The following DMD variants were observed in gnomAD, a reference collection of about 807,000 sequenced individuals.
DMD encodes the protein mutant dystrophin.
In DMD, 63 loss-of-function variants were observed where a neutral mutation model predicts 330.1. The observed-to-expected ratio is 0.19, with a 90% CI of 0.16 to 0.24. The LOEUF is 0.24. Ranked by LOEUF, DMD falls within the 10% of genes least tolerant of loss-of-function variation. The pLI, the probability that DMD is intolerant of heterozygous loss-of-function variation, is 1.00. For missense variants in DMD, 3,344 were observed against 2,684.1 expected, an observed-to-expected ratio of 1.25 and a Z score of -5.43; for synonymous variants, 1,223 against 959.8, an observed-to-expected ratio of 1.27 and a Z score of -5.07.
intron 2 of DMD, among the ~76,000 whole-genome samples, chrX:32,903,310 T>C (rs1232583990): frequency 6.5e-5 from 7 of 107,098 alleles, no homozygotes; most frequent in African/African-American, 2.6e-4. Context: ...ACAAAGACTT[T>C]TGAATAATTG....
intron 62 of DMD, among the ~76,000 whole-genome samples, chrX:31,314,694 T>A: frequency 9.2e-6 from 1 of 108,663 alleles, no homozygotes; most frequent in Admixed American, 9.9e-5. Flanking sequence ...ACAGCACTGA[T>A]TTATACAATG....
chrX:31,721,671 TCTCTCTCTCTCTCA>T (rs199544782), intron 52 of DMD, among the ~76,000 whole-genome samples: 74 of 48,683 alleles, frequency 1.5e-3, no homozygotes, highest in African/African-American at 6.7e-3. Context: ...ATTACCAATC[TCTCTCTCTCTCTCA>T]CTCTCTCTCT....
intron 48 of DMD, among the ~76,000 whole-genome samples, chrX:31,845,576 G>T (rs1395933480): frequency 9.0e-6 from 1 of 110,540 alleles, no homozygotes. Context: ...AAGGATAAGG[G>T]GCTGGTGGAA....
At chrX:31,358,257 T>C (rs2058763843) in intron 60 of DMD, among the ~76,000 whole-genome samples, 1 of 111,705 alleles carries the variant, frequency 9.0e-6, no homozygotes, top group Non-Finnish European at 1.9e-5. Context: ...TGGCTTTACA[T>C]AGTGCAGAAA....
chrX:32,672,114 T>C (rs1171783793), intron 9 of DMD, among the ~76,000 whole-genome samples: 1 of 111,643 alleles, frequency 9.0e-6, no homozygotes, highest in Non-Finnish European at 1.9e-5. Context: ...TAACAGGTAC[T>C]CAATAAACTT....
chrX:32,862,048 T>A (rs996238295), intron 2 of DMD, among the ~76,000 whole-genome samples: 2 of 111,764 alleles, frequency 1.8e-5, no homozygotes, highest in Non-Finnish European at 3.8e-5. Context: ...AATACTGGAA[T>A]GTTTTGTGGA....
chrX:31,363,937 C>T (rs941959181), intron 60 of DMD, among the ~76,000 whole-genome samples: 1 of 112,030 alleles, frequency 8.9e-6, no homozygotes, highest in African/African-American at 3.3e-5. Context: ...CTTTCACCCT[C>T]TACTTCATAT....
At chrX:31,763,359 T>C (rs751006332) in intron 51 of DMD, among the ~76,000 whole-genome samples, 145 of 111,859 alleles carry the variant, frequency 1.3e-3, no homozygotes, top group African/African-American at 4.6e-3. Context: ...GTCAGGTATT[T>C]GAGACCAGCC....
intron 50 of DMD, among the ~76,000 whole-genome samples, chrX:31,811,290 T>A (rs965203800): frequency 8.9e-6 from 1 of 112,354 alleles, no homozygotes; most frequent in East Asian, 2.8e-4. Flanking sequence ...GCCTTTCCTG[T>A]TAACCAGTGA....
rs185079858 is a variant in DMD at position 33,315,041 on chromosome X, A to G, written c.7+24218T>C. Among the ~76,000 whole-genome samples, 24 of 107,931 alleles carry G rather than the reference A, an allele frequency of 2.2e-4. No homozygotes were observed. The East Asian group carries it at 4.2e-3, about 19-fold the overall frequency. 93.7% of individuals were successfully genotyped at this position (107,931 alleles called of 115,157 possible). On this transcript the variant is annotated intron_variant, in intron 1 of 17. Transcript: ENST00000288447. ...ACCATGTTGGCCAAGCTGGTCTTGA[A>G]CTCCTGACCTCAGGTGATCCACCCG...
At chrX:31,473,394 C>T (rs1292537456) in intron 59 of DMD, among the ~76,000 whole-genome samples, 2 of 102,359 alleles carry the variant, frequency 2.0e-5, no homozygotes, top group African/African-American at 7.2e-5. Context: ...AAAAGAGAAA[C>T]CATGGTTTAT....
chrX:31,816,808 A>ACACCCC (rs1556914993), intron 50 of DMD, among the ~76,000 whole-genome samples: 3 of 108,344 alleles, frequency 2.8e-5, no homozygotes, highest in South Asian at 4.0e-4. Context: ...ACACACACAC[A>ACACCCC]CACACACACA....
chrX:32,778,048 G>A (rs752515205), intron 7 of DMD, among the ~76,000 whole-genome samples: 12 of 111,380 alleles, frequency 1.1e-4, no homozygotes, highest in Non-Finnish European at 2.1e-4. Context: ...GGTGAGACCT[G>A]GGCTTCATAT....
At chrX:32,407,135 T>G (rs1296534895) in intron 30 of DMD, among the ~76,000 whole-genome samples, 3 of 111,217 alleles carry the variant, frequency 2.7e-5, no homozygotes, top group African/African-American at 6.5e-5. Context: ...GGGATCTAAT[T>G]AAACTAAAGA....
chrX:31,774,381 G>A (rs1415695313), intron 50 of DMD, among the ~76,000 whole-genome samples, 189 bp from the exon 51 acceptor site: 2 of 110,890 alleles, frequency 1.8e-5, no homozygotes, highest in Non-Finnish European at 3.8e-5. Flanking sequence ...AGCAATACAT[G>A]GTAGAAAATG....
At chrX:33,273,531 C>A in intron 1 of DMD, among the ~76,000 whole-genome samples, 1 of 112,292 alleles carries the variant, frequency 8.9e-6, no homozygotes, top group South Asian at 3.7e-4. Flanking sequence ...TAATCCGGTT[C>A]TTGACTTCAA....
chrX:33,223,621 A>T (rs1255065250), intron 1 of DMD, among the ~76,000 whole-genome samples: 3 of 112,443 alleles, frequency 2.7e-5, no homozygotes, highest in African/African-American at 9.7e-5. Flanking sequence ...AAAATGCAAA[A>T]CTATAAAGCC....
intron 1 of DMD, among the ~76,000 whole-genome samples, chrX:33,298,413 C>G: frequency 9.0e-6 from 1 of 111,429 alleles, no homozygotes; most frequent in East Asian, 2.8e-4. Flanking sequence ...AAATTTCAAA[C>G]AATTTATGTT....
chrX:32,737,279 T>G (rs774395507), intron 7 of DMD, among the ~76,000 whole-genome samples: 1 of 111,482 alleles, frequency 9.0e-6, no homozygotes, highest in Non-Finnish European at 1.9e-5. Context: ...TACATCCAGA[T>G]TTCAAACTCC....
Sources: allele counts gnomAD v4.1 joint callset (sites outside exome capture counted in the v4.1 genomes callset), GRCh38; gene constraint gnomAD v4.1.1; transcripts MANE v1.5; gene names NCBI Gene and HGNC (gene_info 2026-07-23, HGNC 2026-07-21).